The following MYT1L variants were observed in gnomAD, a reference collection of about 807,000 sequenced individuals.
MYT1L encodes the protein myelin transcription factor 1-like protein.
Under a neutral mutation model 126.7 loss-of-function variants are expected in MYT1L, and 12 were observed. The observed-to-expected ratio is 0.09, with a 90% CI of 0.06 to 0.15. The LOEUF is 0.15. Among genes scored for constraint, MYT1L ranks in the 10% least tolerant of loss-of-function variants. The pLI is 1.00. For missense variants in MYT1L, 979 were observed against 1,585.2 expected, an observed-to-expected ratio of 0.62 and a Z score of 6.49; for synonymous variants, 541 against 604.2, an observed-to-expected ratio of 0.90 and a Z score of 1.53.
Position 1,889,535 on chromosome 2 carries a change from T to C in MYT1L, c.2284-58A>G. ...GCCCGGCATCTTGTGACACCACGAG[T>C]CCTTCCTCCCAGATTACAGTCCTGC... On this transcript the variant is annotated intron_variant, in intron 15 of 24. Coordinates refer to ENST00000647738, the MANE Select transcript of MYT1L (RefSeq NM_001303052.2). The surrounding 1 kb of genome is among the most constrained non-coding windows in gnomAD (Gnocchi z 4.1). The C allele has an allele frequency of 4.4e-6, 6 of 1,361,776 alleles. No homozygotes were observed. Among genetic ancestry groups the C allele is most frequent in the Non-Finnish European group, 5.1e-6 (5 of 989,622 alleles). 84.4% of individuals were successfully genotyped at this position (1,361,776 alleles called of 1,614,324 possible).
intron 4 of MYT1L, among the ~76,000 whole-genome samples, chr2:2,032,812 A>C: frequency 8.5e-6 from 1 of 118,050 alleles, no homozygotes; most frequent in Middle Eastern, 6.8e-3. Context: ...CACCCTCGCC[A>C]GTGCCTCTCA....
At chr2:2,009,163 T>C (rs1423468915) in intron 4 of MYT1L, among the ~76,000 whole-genome samples, 1 of 152,048 alleles carries the variant, frequency 6.6e-6, no homozygotes, top group Non-Finnish European at 1.5e-5. Flanking sequence ...TTTTTTTCTT[T>C]TTTTCCTGGC....
intron 3 of MYT1L, among the ~76,000 whole-genome samples, chr2:2,108,041 A>G (rs1031613128): frequency 1.3e-5 from 2 of 152,142 alleles, no homozygotes; most frequent in African/African-American, 2.4e-5. Flanking sequence ...GAGCAATGAA[A>G]TTTATTTTTA....
intron 1 of MYT1L, among the ~76,000 whole-genome samples, chr2:2,317,700 T>A (rs1212471917): frequency 6.6e-6 from 1 of 152,170 alleles, no homozygotes; most frequent in African/African-American, 2.4e-5. Context: ...GTGTCATGGG[T>A]CATTTTTAAT....
In MYT1L at chr2:2,054,141, G is replaced by C. The variant is rs1192373144; in HGVS notation, c.-303-18C>G. 3 of 152,646 alleles carry C rather than the reference G, an allele frequency of 2.0e-5. No individual in the cohort carries two copies. The highest frequency in any genetic ancestry group is 7.2e-5 in the African/African-American group (3 of 41,444). The allele number at this position is 152,646 out of a possible 1,614,324, so 9.5% of individuals were successfully genotyped here. On this transcript the variant is annotated intron_variant, in intron 3 of 24. Transcript: ENST00000647738. ...TGGCCACTCTAGAGAAGAACAAAAA[G>C]GCAGAATAATGAGGCTGATATTCAC...
intron 8 of MYT1L, among the ~76,000 whole-genome samples, chr2:1,955,984 A>T (rs2149346933): frequency 6.6e-6 from 1 of 152,282 alleles, no homozygotes; most frequent in South Asian, 2.1e-4. Flanking sequence ...TGCTTTTGTT[A>T]TGTTTGTCAT....
chr2:1,969,253 C>T (rs185783713), intron 8 of MYT1L, among the ~76,000 whole-genome samples: 1 of 152,306 alleles, frequency 6.6e-6, no homozygotes, highest in East Asian at 1.9e-4. Context: ...GGGAACGCCC[C>T]ACCACCGTTA....
intron 2 of MYT1L, among the ~76,000 whole-genome samples, chr2:2,239,885 C>G (rs1448073829): frequency 6.6e-6 from 1 of 152,204 alleles, no homozygotes; most frequent in Non-Finnish European, 1.5e-5. Context: ...TCTCTCTGCC[C>G]CCGGGTCCCC....
intron 2 of MYT1L, among the ~76,000 whole-genome samples, chr2:2,227,823 G>A (rs910310621): frequency 8.5e-5 from 13 of 152,266 alleles, no homozygotes; most frequent in South Asian, 6.2e-4. Context: ...AAAAACAGCC[G>A]TAGTTTAACC....
chr2:2,043,589 A>G (rs2067808217), intron 4 of MYT1L, among the ~76,000 whole-genome samples: 1 of 152,174 alleles, frequency 6.6e-6, no homozygotes, highest in South Asian at 2.1e-4. Flanking sequence ...ACATCTTGAA[A>G]GAGCTGTGCC....
intron 4 of MYT1L, among the ~76,000 whole-genome samples, chr2:2,033,643 C>G (rs1323490903): frequency 3.3e-5 from 5 of 152,160 alleles, no homozygotes; most frequent in Non-Finnish European, 7.3e-5. Context: ...TCACCTTGCT[C>G]ACGAAATTTG....
intron 2 of MYT1L, among the ~76,000 whole-genome samples, chr2:2,240,189 T>G (rs568566616): frequency 2.0e-4 from 30 of 152,096 alleles, no homozygotes; most frequent in African/African-American, 7.2e-4. Flanking sequence ...TCCCAGCTAC[T>G]TGAGAGGCAG....
At chr2:1,879,289 C>A (rs1261397136) in intron 18 of MYT1L, among the ~76,000 whole-genome samples, 2 of 152,202 alleles carry the variant, frequency 1.3e-5, no homozygotes, top group Non-Finnish European at 2.9e-5. Context: ...CTCCAGGGAA[C>A]TATAAATTAG....
chr2:1,819,554 T>C (rs1214754654), intron 21 of MYT1L, among the ~76,000 whole-genome samples: 3 of 152,192 alleles, frequency 2.0e-5, no homozygotes, highest in African/African-American at 7.2e-5. Flanking sequence ...CCACTCCTCC[T>C]CCTGCAGCCT....
At position 1,866,221 on chromosome 2, in the gene MYT1L, G is replaced by A. The variant is rs1324570110; in HGVS notation, c.2712-14518C>T. ...CCAAGGGGATCTTTTTTATAAAAAA[G>A]GAAGATCACTTAAAACAGAGGTCAG... On this transcript the variant is annotated intron_variant, in intron 18 of 24. Transcript: ENST00000647738. Among the ~76,000 whole-genome samples, 6 of 152,264 alleles carry A rather than the reference G, an allele frequency of 3.9e-5. No individual in the cohort carries two copies. The East Asian group carries it at 1.2e-3, about 30-fold the overall frequency.
At chr2:1,812,831 G>A (rs932466903) in intron 21 of MYT1L, among the ~76,000 whole-genome samples, 14 of 144,430 alleles carry the variant, frequency 9.7e-5, no homozygotes, top group African/African-American at 3.6e-4. Context: ...AGCCGAGATC[G>A]CACTGCTGCA....
chr2:2,266,662 C>G (rs935758293), intron 2 of MYT1L, among the ~76,000 whole-genome samples: 1 of 152,152 alleles, frequency 6.6e-6, no homozygotes, highest in African/African-American at 2.4e-5. Flanking sequence ...CCACCCAAAT[C>G]TCATCTTGAA....
intron 4 of MYT1L, among the ~76,000 whole-genome samples, chr2:2,006,636 C>T (rs960157028): frequency 4.8e-4 from 73 of 152,018 alleles, no homozygotes; most frequent in African/African-American, 1.6e-3. Context: ...AGTGCAGTGG[C>T]GTGATCTCGG....
intron 21 of MYT1L, among the ~76,000 whole-genome samples, chr2:1,836,291 A>C (rs1572697669): frequency 7.1e-6 from 1 of 141,546 alleles, no homozygotes; most frequent in African/African-American, 2.6e-5. Context: ...TGCCCCCAAT[A>C]CTCCATCAGC....
Sources: allele counts gnomAD v4.1 joint callset (sites outside exome capture counted in the v4.1 genomes callset), GRCh38; gene constraint gnomAD v4.1.1; non-coding constraint Gnocchi (gnomAD v3.1); transcripts MANE v1.5; gene names NCBI Gene and HGNC (gene_info 2026-07-23, HGNC 2026-07-21).